Variants in DYNC1I1 observed in about 807,000 individuals in gnomAD.
DYNC1I1 encodes cytoplasmic dynein 1 intermediate chain 1.
A neutral mutation model predicts 86.6 loss-of-function variants in DYNC1I1; 43 were observed. The observed-to-expected ratio is 0.50, with a 90% confidence interval of 0.39 to 0.64. The LOEUF (loss-of-function observed/expected upper bound fraction) is 0.64. Among genes scored for constraint, DYNC1I1 ranks in the 30% least tolerant of loss-of-function variants. The probability of loss-of-function intolerance (pLI) is 0.00; values close to 1 mark genes in which losing one functional copy is unlikely to be tolerated. For synonymous variants in DYNC1I1, 262 were observed against 283.7 expected, an observed-to-expected ratio of 0.92 and a Z score of 0.77; for missense variants, 604 against 788.8, an observed-to-expected ratio of 0.77 and a Z score of 2.81.
At chr7:96,074,360 T>C (rs1286159793) in intron 14 of DYNC1I1, among the ~76,000 whole-genome samples, 2 of 151,932 alleles carry the variant, frequency 1.3e-5, no homozygotes, top group Non-Finnish European at 2.9e-5. Context: ...CCATCCTGGC[T>C]AACACGGTGA....
At chr7:95,804,975 G>A in intron 2 of DYNC1I1, 138 bp downstream of exon 2, 5 of 1,379,818 alleles carry the variant, frequency 3.6e-6, no homozygotes, top group Non-Finnish European at 4.7e-6. Context: ...TTCCTATTCT[G>A]CATGGTAAAG....
intron 6 of DYNC1I1, among the ~76,000 whole-genome samples, chr7:95,942,268 C>G (rs1792248728): frequency 6.6e-6 from 1 of 152,134 alleles, no homozygotes; most frequent in East Asian, 1.9e-4. Context: ...ACTAGAAAAT[C>G]TAGAAGAAAT....
chr7:95,834,813 T>A (rs1250414675), intron 5 of DYNC1I1, among the ~76,000 whole-genome samples: 1 of 144,094 alleles, frequency 6.9e-6, no homozygotes, highest in African/African-American at 2.6e-5. Flanking sequence ...GGATCGGTGG[T>A]GATATCCCCT....
intron 10 of DYNC1I1, among the ~76,000 whole-genome samples, chr7:96,001,339 C>G (rs111790074): frequency 1.3e-5 from 2 of 152,250 alleles, no homozygotes; most frequent in South Asian, 2.1e-4. Context: ...AAGCCTTGGT[C>G]TCAGGAAGAT....
intron 1 of DYNC1I1, among the ~76,000 whole-genome samples, chr7:95,782,508 G>A (rs1794019862): frequency 6.6e-6 from 1 of 152,212 alleles, no homozygotes; most frequent in Non-Finnish European, 1.5e-5. Flanking sequence ...GTATGGGATG[G>A]GGAGCATGCA....
chr7:95,904,330 T>C (rs1791117285), intron 6 of DYNC1I1, among the ~76,000 whole-genome samples: 2 of 152,270 alleles, frequency 1.3e-5, no homozygotes, highest in South Asian at 4.1e-4. Flanking sequence ...CCAGAGCAAC[T>C]GCTGGATGGG....
intron 14 of DYNC1I1, among the ~76,000 whole-genome samples, chr7:96,061,018 G>A (rs1285237325): frequency 2.0e-5 from 3 of 152,276 alleles, no homozygotes; most frequent in Non-Finnish European, 4.4e-5. Context: ...GGATTGTGGG[G>A]TGAGGGAGGA....
At chr7:95,774,011 A>G (rs1793775931) in intron 1 of DYNC1I1, among the ~76,000 whole-genome samples, 1 of 152,180 alleles carries the variant, frequency 6.6e-6, no homozygotes, top group Non-Finnish European at 1.5e-5. Context: ...TTGGTGTGGA[A>G]AAAGGGGTCC....
intron 10 of DYNC1I1, among the ~76,000 whole-genome samples, chr7:96,015,262 G>T (rs1306109168): frequency 6.6e-6 from 1 of 152,052 alleles, no homozygotes; most frequent in African/African-American, 2.4e-5. Flanking sequence ...TCTAACATAT[G>T]TTTAGGAATT....
At chr7:96,038,692 A>G (rs1788943708) in intron 13 of DYNC1I1, among the ~76,000 whole-genome samples, 1 of 152,336 alleles carries the variant, frequency 6.6e-6, no homozygotes, top group Non-Finnish European at 1.5e-5. Flanking sequence ...AAGAGAAAAC[A>G]TTATTTTCTC....
chr7:95,843,780 A>G (rs1265062292), intron 5 of DYNC1I1, among the ~76,000 whole-genome samples: 2 of 152,258 alleles, frequency 1.3e-5, no homozygotes, highest in African/African-American at 4.8e-5. Flanking sequence ...TACCAGGCAA[A>G]TACATACGGA....
At chr7:95,870,021 T>C in intron 6 of DYNC1I1, 23 bp downstream of exon 6, 1 of 1,590,058 alleles carries the variant, frequency 6.3e-7, no homozygotes, top group African/African-American at 1.3e-5. Flanking sequence ...TTTGGCTTAC[T>C]TTCCATATTA....
At chr7:96,058,283 T>C (rs1789647133) in intron 14 of DYNC1I1, among the ~76,000 whole-genome samples, 1 of 152,232 alleles carries the variant, frequency 6.6e-6, no homozygotes, top group African/African-American at 2.4e-5. Context: ...TGCTTTGTGT[T>C]TTTAACTTTG....
At chr7:95,791,219 T>C (rs1021804510) in intron 1 of DYNC1I1, among the ~76,000 whole-genome samples, 2 of 152,234 alleles carry the variant, frequency 1.3e-5, no homozygotes, top group South Asian at 2.1e-4. Context: ...TATGATAGTT[T>C]AAATTTGTGC....
intron 13 of DYNC1I1, among the ~76,000 whole-genome samples, chr7:96,036,223 G>T (rs1794924161): frequency 6.6e-6 from 1 of 152,042 alleles, no homozygotes; most frequent in South Asian, 2.1e-4. Context: ...TGACTCTTGG[G>T]CAAAGAAAAC....
chr7:96,068,848 C>T (rs1790074703), intron 14 of DYNC1I1, among the ~76,000 whole-genome samples: 1 of 151,970 alleles, frequency 6.6e-6, no homozygotes, highest in African/African-American at 2.4e-5. Flanking sequence ...GGTTGTTAGC[C>T]AGATGTTAGA....
At chr7:96,021,994 A>T (rs551873501) in intron 10 of DYNC1I1, among the ~76,000 whole-genome samples, 1 of 152,160 alleles carries the variant, frequency 6.6e-6, no homozygotes, top group Non-Finnish European at 1.5e-5. Context: ...GTGTAGACAT[A>T]TTTTTTCAAT....
chr7:96,011,853 C>G (rs1047858082), intron 10 of DYNC1I1, among the ~76,000 whole-genome samples: 2 of 152,030 alleles, frequency 1.3e-5, no homozygotes, highest in African/African-American at 4.8e-5. Flanking sequence ...AATAGATTGG[C>G]GTGTCTTTCT....
At chr7:95,905,230 A>T (rs1791144268) in intron 6 of DYNC1I1, among the ~76,000 whole-genome samples, 1 of 152,170 alleles carries the variant, frequency 6.6e-6, no homozygotes, top group South Asian at 2.1e-4. Context: ...TTTGGCTTGG[A>T]AAGTAATTGA....
Sources: gnomAD v4.1 joint callset for allele counts (sites outside exome capture counted in the v4.1 genomes callset) on GRCh38, gnomAD v4.1.1 for gene constraint, MANE v1.5 for transcripts, NCBI Gene and HGNC (gene_info 2026-07-23, HGNC 2026-07-21) for gene names.